MFSD8: variants seen among roughly 807,000 people sequenced by gnomAD.
The protein encoded by MFSD8 is major facilitator superfamily domain-containing protein 8.
Under a neutral mutation model 66.4 loss-of-function variants are expected in MFSD8, and 55 were observed. That is an observed-to-expected ratio of 0.83 (90% confidence interval 0.67 to 1.04). The LOEUF (loss-of-function observed/expected upper bound fraction) is 1.04. Ranked by LOEUF, MFSD8 falls within the 50% of genes least tolerant of loss-of-function variation. The pLI is 0.00. For missense variants in MFSD8, 550 were observed against 627.6 expected, an observed-to-expected ratio of 0.88 and a Z score of 1.32; for synonymous variants, 202 against 212.8, an observed-to-expected ratio of 0.95 and a Z score of 0.44.
At chr4:127,926,473 C>A (rs1737230771) in intron 9 of MFSD8, among the ~76,000 whole-genome samples, 1 of 151,354 alleles carries the variant, frequency 6.6e-6, no homozygotes, top group African/African-American at 2.4e-5. Flanking sequence ...TTCTATTCTT[C>A]TTTGTAGTAC....
At chr4:127,957,664 A>C in intron 1 of MFSD8, 72 bp from the exon 2 acceptor site, 1 of 1,011,868 alleles carries the variant, frequency 9.9e-7, no homozygotes, top group Non-Finnish European at 1.5e-6. Context: ...CAACAGTTTT[A>C]TTCTCTAGTT....
intron 7 of MFSD8, 80 bp downstream of exon 7, chr4:127,938,703 G>A (rs1352352189): frequency 8.2e-6 from 10 of 1,225,568 alleles, no homozygotes; most frequent in African/African-American, 6.0e-5. Flanking sequence ...AAGCAAAATC[G>A]AAGTAAATAC....
intron 4 of MFSD8, 40 bp from the exon 5 acceptor site, chr4:127,942,198 A>T (rs778039878): frequency 6.8e-7 from 1 of 1,468,876 alleles, no homozygotes; most frequent in Non-Finnish European, 9.5e-7. Flanking sequence ...AAAAGAAAGT[A>T]TCATTCAGCT....
chr4:127,941,613 C>G (rs1740207765), intron 5 of MFSD8, among the ~76,000 whole-genome samples: 2 of 152,074 alleles, frequency 1.3e-5, no homozygotes, highest in Admixed American at 1.3e-4. Context: ...AGGTGCCCGC[C>G]ACCACACCTG....
intron 9 of MFSD8, 166 bp from the exon 10 acceptor site, chr4:127,922,129 T>C (rs1736430166): frequency 3.9e-6 from 3 of 769,858 alleles, no homozygotes; most frequent in Non-Finnish European, 6.4e-6. Flanking sequence ...AGGACTCCTC[T>C]GAAAAATGGC....
chr4:127,928,019 C>A (rs1737507280), intron 9 of MFSD8, among the ~76,000 whole-genome samples: 1 of 151,988 alleles, frequency 6.6e-6, no homozygotes. Flanking sequence ...AGTCACCATA[C>A]CTGGCCAAAA....
At chr4:127,929,322 CAAAAAAAAA>C (rs543453360) in intron 9 of MFSD8, among the ~76,000 whole-genome samples, 4 of 30,364 alleles carry the variant, frequency 1.3e-4, no homozygotes, top group African/African-American at 5.5e-4. Flanking sequence ...GACTCCGTCA[CAAAAAAAAA>C]AAAAAAAAAA....
intron 8 of MFSD8, among the ~76,000 whole-genome samples, chr4:127,931,349 T>C (rs998841137): frequency 1.3e-5 from 2 of 152,146 alleles, no homozygotes; most frequent in Non-Finnish European, 2.9e-5. Context: ...CAATTTATAT[T>C]TATTGTTTAT....
In MFSD8 at chr4:127,940,109, T is replaced by C. The variant is rs547812350; in HGVS notation, c.554-112A>G. On this transcript the variant is annotated intron_variant, in intron 5 of 11. Transcript: ENST00000641686. Reference sequence around the variant, plus strand: ...GAACAATGTTATGGAATCATCCTTCTATATCATGCATTCTCAACAGATGGA... The same window carrying C: ...GAACAATGTTATGGAATCATCCTTCCATATCATGCATTCTCAACAGATGGA... 5.2e-5 allele frequency: 54 copies of C among 1,038,882 alleles called. 1 individual carries two copies. In the South Asian group the frequency reaches 7.4e-4, roughly 14 times the overall value. The allele number at this position is 1,038,882 out of a possible 1,614,324, so 64.4% of individuals were successfully genotyped here.
chr4:127,961,748 G>C (rs1254115746), intron 1 of MFSD8, among the ~76,000 whole-genome samples: 2 of 150,058 alleles, frequency 1.3e-5, no homozygotes, highest in African/African-American at 4.9e-5. Context: ...GTGAACCCGG[G>C]AGGCGGAGCT....
At position 127,930,835 on chromosome 4, in the gene MFSD8, A is replaced by T; in HGVS notation, c.864-18T>A. ...TAATGATGCTAAGAAAAAAAAAATTATTCTTATTTTATTTAAATCACAGTA... is the reference window on the plus strand; with the variant it reads ...TAATGATGCTAAGAAAAAAAAAATTTTTCTTATTTTATTTAAATCACAGTA... On this transcript the variant is annotated intron_variant, in intron 8 of 11. Transcript: ENST00000641686. The T allele has an allele frequency of 6.3e-7, 1 of 1,595,194 alleles. No homozygotes were observed. The highest frequency in any genetic ancestry group is 8.6e-7 in the Non-Finnish European group (1 of 1,168,362).
intron 3 of MFSD8, among the ~76,000 whole-genome samples, chr4:127,948,782 C>G (rs899901058): frequency 1.3e-5 from 2 of 152,206 alleles, no homozygotes; most frequent in African/African-American, 4.8e-5. Context: ...GCCCCTTCAT[C>G]ATGTGATGCC....
In MFSD8 at chr4:127,921,555, A is replaced by G; in HGVS notation, c.1319T>C (p.Leu440Pro). 6.2e-7 allele frequency: 1 copy of G among 1,614,208 alleles called. No homozygotes were observed. The highest frequency in any genetic ancestry group is 8.5e-7 in the Non-Finnish European group (1 of 1,180,024). ...TTTTGGTCCTAGAATTTTTGAATAT[A>G]GAGTATAGGACATAAGATTGCAGAC... ...YPVCNLMSYT[L>P]YSKILGPKPQ... Residue 440 changes from leucine (L) to proline (P), a missense_variant, in exon 11 of 12, where the codon CTA becomes CCA. Coordinates refer to ENST00000641686, the MANE Select transcript of MFSD8 (RefSeq NM_001371596.2).
chr4:127,939,851 A>G lies in MFSD8; in HGVS notation c.698+2T>C. ...ATAGTTTTATCATTTCTATCTAATT[A>G]CCTTAGTATGGCAAGGATCAGAATA... On this transcript the variant is annotated splice_donor_variant, in intron 6 of 11. Coordinates refer to ENST00000641686, the MANE Select transcript of MFSD8 (RefSeq NM_001371596.2). LOFTEE classifies it high-confidence loss of function. 6.2e-7 allele frequency: 1 copy of G among 1,609,476 alleles called. No homozygotes were observed. The highest frequency in any genetic ancestry group is 8.5e-7 in the Non-Finnish European group (1 of 1,177,616).
intron 9 of MFSD8, among the ~76,000 whole-genome samples, chr4:127,927,104 G>A (rs1221912429): frequency 1.3e-5 from 2 of 152,016 alleles, no homozygotes; most frequent in Non-Finnish European, 2.9e-5. Flanking sequence ...GAAAACTAAT[G>A]TGAGTGTTGG....
chr4:127,920,572 G>T lies in MFSD8; in HGVS notation c.*58C>A. ...ACTGGCTCACCGCAATTGTCTAGCA[G>T]AGCTTTAGACCAGGAAGTGCCACAC... On this transcript the variant is annotated 3_prime_UTR_variant, in exon 12 of 12. Coordinates refer to ENST00000641686, the MANE Select transcript of MFSD8 (RefSeq NM_001371596.2). 1 of 1,560,810 alleles carries T rather than the reference G, an allele frequency of 6.4e-7. No individual in the cohort carries two copies. The highest frequency in any genetic ancestry group is 1.1e-5 in the South Asian group (1 of 89,812).
At chr4:127,941,240 G>A (rs973389944) in intron 5 of MFSD8, among the ~76,000 whole-genome samples, 16 of 152,088 alleles carry the variant, frequency 1.1e-4, no homozygotes, top group Non-Finnish European at 1.8e-4. Flanking sequence ...CCCTTCTGTT[G>A]AGCCTTTTCT....
chr4:127,941,581 C>G (rs1359927326), intron 5 of MFSD8, among the ~76,000 whole-genome samples: 2 of 152,112 alleles, frequency 1.3e-5, no homozygotes, highest in Admixed American at 1.3e-4. Flanking sequence ...CCTGCCTCAG[C>G]CTCCCAAGTA....
At chr4:127,939,804 T>A in intron 6 of MFSD8, 49 bp downstream of exon 6, 1 of 1,556,774 alleles carries the variant, frequency 6.4e-7, no homozygotes, top group Non-Finnish European at 8.8e-7. Context: ...ACAAAGCTCA[T>A]TAAATTTCAC....
Sources: gnomAD v4.1 joint callset for allele counts (sites outside exome capture counted in the v4.1 genomes callset) on GRCh38, gnomAD v4.1.1 for gene constraint, MANE v1.5 for transcripts, NCBI Gene and HGNC (gene_info 2026-07-23, HGNC 2026-07-21) for gene names.